SGCZ: variants seen among roughly 807,000 people sequenced by gnomAD.
The protein encoded by SGCZ is zeta-sarcoglycan.
In SGCZ, 40 loss-of-function variants were observed where a neutral mutation model predicts 41.3. That is an observed-to-expected ratio of 0.97 (90% CI 0.75 to 1.26). The LOEUF (loss-of-function observed/expected upper bound fraction) is 1.26. Among genes scored for constraint, SGCZ ranks in the 50% most tolerant of loss-of-function variants. The probability of loss-of-function intolerance (pLI) is 0.00; values close to 1 mark genes in which losing one functional copy is unlikely to be tolerated. For synonymous variants in SGCZ, 206 were observed against 137.5 expected (o/e 1.50, Z -3.49); for missense variants, 552 against 369.8 (o/e 1.49, Z -4.04).
At chr8:14,568,170 T>G (rs1228612226) in intron 1 of SGCZ, among the ~76,000 whole-genome samples, 3 of 151,310 alleles carry the variant, frequency 2.0e-5, no homozygotes, top group Non-Finnish European at 4.4e-5. Flanking sequence ...CACTCAAAAG[T>G]GGGATTCAAC....
chr8:14,796,669 C>T (rs1801141240), intron 1 of SGCZ, among the ~76,000 whole-genome samples: 2 of 152,160 alleles, frequency 1.3e-5, no homozygotes, highest in Non-Finnish European at 2.9e-5. Context: ...GAATAAGACT[C>T]TTAGTAAACA....
At chr8:14,451,870 T>C (rs1403323274) in intron 2 of SGCZ, among the ~76,000 whole-genome samples, 3 of 152,222 alleles carry the variant, frequency 2.0e-5, no homozygotes, top group Non-Finnish European at 4.4e-5. Context: ...AAACTCTCAT[T>C]GATTCCTGGT....
At chr8:14,162,280 A>G (rs939406951) in intron 5 of SGCZ, among the ~76,000 whole-genome samples, 5 of 152,162 alleles carry the variant, frequency 3.3e-5, no homozygotes, top group Admixed American at 1.3e-4. Context: ...AAAGTACCCA[A>G]TGAGAATATC....
At chr8:14,579,047 C>A (rs1170636990) in intron 1 of SGCZ, among the ~76,000 whole-genome samples, 1 of 152,040 alleles carries the variant, frequency 6.6e-6, no homozygotes, top group Non-Finnish European at 1.5e-5. Flanking sequence ...CCAGTAATAT[C>A]ATTATTTGCA....
At chr8:15,222,158 T>C (rs534551022) in intron 1 of SGCZ, among the ~76,000 whole-genome samples, 1 of 152,314 alleles carries the variant, frequency 6.6e-6, no homozygotes, top group Non-Finnish European at 1.5e-5. Flanking sequence ...AGTTATATTA[T>C]CAAAGCATTT....
At chr8:14,821,268 T>G (rs1000181664) in intron 1 of SGCZ, among the ~76,000 whole-genome samples, 1 of 151,824 alleles carries the variant, frequency 6.6e-6, no homozygotes. Context: ...AATTAAATTA[T>G]GAGGAAATAG....
rs548920796 is a variant in SGCZ at position 14,912,040 on chromosome 8, C to T, written c.39+325545G>A. 5.9e-5 allele frequency among the ~76,000 whole-genome samples: 9 copies of T among 151,872 alleles called. No homozygotes were observed. The South Asian group carries it at 1.9e-3, about 31-fold the overall frequency. ...AAGGTGAAGAGTAGCTGCACTGACG[C>T]TATGTAAGCTATTTGCATCTATTTT... On this transcript the variant is annotated intron_variant, in intron 1 of 7. Transcript: ENST00000382080.
At chr8:14,798,308 C>A (rs1014426249) in intron 1 of SGCZ, among the ~76,000 whole-genome samples, 1 of 152,120 alleles carries the variant, frequency 6.6e-6, no homozygotes, top group Non-Finnish European at 1.5e-5. Flanking sequence ...AGGCAATAAT[C>A]CTCTCCCCAC....
chr8:14,587,389 A>T (rs75519423), intron 1 of SGCZ, among the ~76,000 whole-genome samples: 10 of 148,544 alleles, frequency 6.7e-5, no homozygotes, highest in Admixed American at 1.3e-4. Flanking sequence ...AAAAAAAAAA[A>T]GTTTGGGTGT....
At chr8:15,076,363 C>G (rs1043310371) in intron 1 of SGCZ, among the ~76,000 whole-genome samples, 27 of 151,738 alleles carry the variant, frequency 1.8e-4, no homozygotes, top group African/African-American at 6.3e-4. Context: ...AAGGGGGTAG[C>G]AAGAGAAGGA....
chr8:14,304,827 T>C (rs1210334465), intron 3 of SGCZ, among the ~76,000 whole-genome samples: 2 of 152,170 alleles, frequency 1.3e-5, no homozygotes, highest in Non-Finnish European at 2.9e-5. Context: ...ATTCCAGAAA[T>C]AGCACACCTA....
intron 1 of SGCZ, among the ~76,000 whole-genome samples, chr8:14,682,991 A>T (rs1226104251): frequency 6.6e-6 from 1 of 152,184 alleles, no homozygotes; most frequent in African/African-American, 2.4e-5. Flanking sequence ...GCCATAGAAG[A>T]TGACCAGATA....
At chr8:15,199,651 G>A (rs913442198) in intron 1 of SGCZ, among the ~76,000 whole-genome samples, 1 of 151,974 alleles carries the variant, frequency 6.6e-6, no homozygotes, top group Non-Finnish European at 1.5e-5. Flanking sequence ...CTACAGTCAG[G>A]AACCTATAAA....
intron 2 of SGCZ, among the ~76,000 whole-genome samples, chr8:14,441,878 T>C (rs1014843100): frequency 1.6e-4 from 24 of 152,174 alleles, no homozygotes; most frequent in Admixed American, 1.1e-3. Context: ...ATGTTTGTCT[T>C]AAAGGCCTGG....
At chr8:14,639,407 A>G (rs968009697) in intron 1 of SGCZ, among the ~76,000 whole-genome samples, 2 of 151,716 alleles carry the variant, frequency 1.3e-5, no homozygotes, top group Admixed American at 6.6e-5. Flanking sequence ...TTTAAGGGCC[A>G]TATTCTTTAA....
chr8:14,658,030 T>C (rs1230503162), intron 1 of SGCZ, among the ~76,000 whole-genome samples: 1 of 152,166 alleles, frequency 6.6e-6, no homozygotes, highest in Non-Finnish European at 1.5e-5. Flanking sequence ...TGAGGATACA[T>C]TTGGCAATTG....
intron 3 of SGCZ, among the ~76,000 whole-genome samples, chr8:14,269,878 A>G (rs1372719647): frequency 6.6e-6 from 1 of 152,138 alleles, no homozygotes; most frequent in Non-Finnish European, 1.5e-5. Context: ...GCTGTCATGT[A>G]TGTTTATTTG....
chr8:14,727,821 C>A (rs967824585), intron 1 of SGCZ, among the ~76,000 whole-genome samples: 3 of 152,008 alleles, frequency 2.0e-5, no homozygotes, highest in Non-Finnish European at 4.4e-5. Flanking sequence ...TTCTTTTTAG[C>A]TTCATAATCG....
At chr8:14,673,468 C>G (rs1167429315) in intron 1 of SGCZ, among the ~76,000 whole-genome samples, 1 of 151,758 alleles carries the variant, frequency 6.6e-6, no homozygotes, top group African/African-American at 2.4e-5. Flanking sequence ...CTCTCTCACT[C>G]TCTCTCTCTC....
Sources: allele counts gnomAD v4.1 joint callset (sites outside exome capture counted in the v4.1 genomes callset), GRCh38; gene constraint gnomAD v4.1.1; transcripts MANE v1.5; gene names NCBI Gene and HGNC (gene_info 2026-07-23, HGNC 2026-07-21).